XKR6: variants seen among roughly 807,000 people sequenced by gnomAD.
XKR6 encodes the protein XK related 6, also known as XK-related protein 6.
XKR6 carries 22 observed loss-of-function variants against 56.7 expected under a neutral mutation model. That is an observed-to-expected ratio of 0.39 (90% CI 0.28 to 0.55). The LOEUF (loss-of-function observed/expected upper bound fraction) is 0.55, where lower values mean the gene tolerates loss of function less well. XKR6 is among the 20% of genes least tolerant of loss of function. XKR6 has a pLI of 0.66. For synonymous variants in XKR6, 524 were observed against 387.8 expected, an observed-to-expected ratio of 1.35 and a Z score of -4.13; for missense variants, 852 against 889.0, an observed-to-expected ratio of 0.96 and a Z score of 0.53.
At chr8:11,059,889 C>T (rs1438500464) in intron 1 of XKR6, among the ~76,000 whole-genome samples, 1 of 152,194 alleles carries the variant, frequency 6.6e-6, no homozygotes, top group Non-Finnish European at 1.5e-5. Flanking sequence ...AAACAACGCT[C>T]CTGCAGTGTC....
chr8:10,938,358 C>T (rs1801289608), intron 1 of XKR6, among the ~76,000 whole-genome samples: 1 of 152,244 alleles, frequency 6.6e-6, no homozygotes, highest in Non-Finnish European at 1.5e-5. Flanking sequence ...AATCCCCCGT[C>T]TTCTGCATCG....
At chr8:11,107,142 C>T (rs1003086499) in intron 1 of XKR6, among the ~76,000 whole-genome samples, 1 of 151,574 alleles carries the variant, frequency 6.6e-6, no homozygotes, top group African/African-American at 2.4e-5. Flanking sequence ...TAGAAAGGAA[C>T]TGTACTATGA....
chr8:11,042,535 A>G (rs779358154), intron 1 of XKR6, among the ~76,000 whole-genome samples: 6 of 152,156 alleles, frequency 3.9e-5, no homozygotes, highest in Admixed American at 1.3e-4. Flanking sequence ...TTCTGCCATG[A>G]TTGTGAAGCC....
In XKR6 at chr8:10,924,927, C is replaced by T. The variant is rs560197300; in HGVS notation, c.765-97G>A. 59 of 1,318,844 alleles carry T rather than the reference C, an allele frequency of 4.5e-5. No individual in the cohort carries two copies. In the Admixed American group the frequency reaches 1.0e-3, roughly 23 times the overall value. 81.7% of individuals were successfully genotyped at this position (1,318,844 alleles called of 1,614,324 possible). On this transcript the variant is annotated intron_variant, in intron 1 of 2. Transcript: ENST00000416569. Reference sequence around the variant, plus strand: ...CCCTAAAACCAAGAGACTCAGCATCCCCCCAACTCCCTATGCTCTGAAGTT... The same window carrying T: ...CCCTAAAACCAAGAGACTCAGCATCTCCCCAACTCCCTATGCTCTGAAGTT...
Position 10,897,904 on chromosome 8 carries a change from G to A in XKR6, c.*48C>T, listed in dbSNP as rs371990504. The A allele has an allele frequency of 1.2e-4, 187 of 1,517,792 alleles. No homozygotes were observed. The highest frequency in any genetic ancestry group is 1.5e-4 in the Non-Finnish European group (166 of 1,134,178). 94.0% of individuals were successfully genotyped at this position (1,517,792 alleles called of 1,614,324 possible). Reference sequence around the variant, plus strand: ...GTTATATTTCTTGCAAGTGCTGTTTGCCGCAAACCAAACTTAAGGTCCCCT... The same window carrying A: ...GTTATATTTCTTGCAAGTGCTGTTTACCGCAAACCAAACTTAAGGTCCCCT... On this transcript the variant is annotated 3_prime_UTR_variant, in exon 3 of 3. Coordinates refer to ENST00000416569, the MANE Select transcript of XKR6 (RefSeq NM_173683.4).
chr8:11,201,138 C>G lies in XKR6; in HGVS notation c.202G>C (p.Gly68Arg). Residue 68 changes from glycine to arginine, a missense_variant, in exon 1 of 3, where the codon GGC becomes CGC. Physicochemically the swap from Gly to Arg is moderately radical, Grantham distance 125. Transcript: ENST00000416569. ...HCCNTSSCYW[G>R]CRSACLRSLL... The stretch of plus-strand genomic sequence containing the variant: ...GAGCGCAGGCAGGCGGAGCGGCAGC[C>G]CCAGTAGCACGAGGAGGTGTTGCAG... 2 of 1,518,146 alleles carry G rather than the reference C, an allele frequency of 1.3e-6. No individual in the cohort carries two copies. The highest frequency in any genetic ancestry group is 1.8e-6 in the Non-Finnish European group (2 of 1,140,118). 94.0% of individuals were successfully genotyped at this position (1,518,146 alleles called of 1,614,324 possible).
At chr8:10,965,010 C>G (rs144705394) in intron 1 of XKR6, among the ~76,000 whole-genome samples, 3 of 152,230 alleles carry the variant, frequency 2.0e-5, no homozygotes, top group African/African-American at 7.2e-5. Flanking sequence ...CATCGCCTTC[C>G]CTTTCCTCTC....
At chr8:10,984,826 G>A (rs777972936) in intron 1 of XKR6, among the ~76,000 whole-genome samples, 17 of 149,752 alleles carry the variant, frequency 1.1e-4, no homozygotes, top group African/African-American at 1.7e-4. Flanking sequence ...AGAATGGAAA[G>A]CCATCTGATG....
chr8:11,018,748 T>C (rs756465367), intron 1 of XKR6, among the ~76,000 whole-genome samples: 27 of 152,042 alleles, frequency 1.8e-4, no homozygotes, highest in Non-Finnish European at 3.4e-4. Context: ...TCCATTAAGC[T>C]CCTGCCCCAA....
At chr8:10,982,969 A>G (rs1300013719) in intron 1 of XKR6, among the ~76,000 whole-genome samples, 1 of 152,208 alleles carries the variant, frequency 6.6e-6, no homozygotes, top group African/African-American at 2.4e-5. Flanking sequence ...TAACTTCTCT[A>G]AGCCTATTTT....
intron 2 of XKR6, among the ~76,000 whole-genome samples, chr8:10,912,025 G>T (rs1332226194): frequency 6.8e-6 from 1 of 147,534 alleles, no homozygotes; most frequent in Non-Finnish European, 1.5e-5. Context: ...AGCAAGAGAG[G>T]GTGAGTATAT....
intron 1 of XKR6, among the ~76,000 whole-genome samples, chr8:11,174,453 C>G (rs1032046053): frequency 6.6e-6 from 1 of 152,202 alleles, no homozygotes; most frequent in Non-Finnish European, 1.5e-5. Flanking sequence ...AGCCGAGCAC[C>G]GCATCGACTC....
chr8:10,946,637 T>C lies in XKR6; in HGVS notation c.765-21807A>G, dbSNP rs1187493507. On this transcript the variant is annotated intron_variant, in intron 1 of 2. Coordinates refer to ENST00000416569, the MANE Select transcript of XKR6 (RefSeq NM_173683.4). ...GACATTCCTGAGCACTCTACTGCAG[T>C]GATCCAAACCCCTCTCAGTCGTATT... 2.0e-5 allele frequency among the ~76,000 whole-genome samples: 3 copies of C among 152,166 alleles called. No homozygotes were observed. The East Asian group carries it at 5.8e-4, about 30-fold the overall frequency.
chr8:10,924,835 C>G lies in XKR6; in HGVS notation c.765-5G>C, dbSNP rs1800831867. The stretch of plus-strand genomic sequence containing the variant: ...AGGTACATGGTGCGGATATACCTGC[C>G]CAGAGAGATGGGGAGAACACAGAGA... On this transcript the variant is annotated splice_polypyrimidine_tract_variant and splice_region_variant and intron_variant, in intron 1 of 2. Coordinates refer to ENST00000416569, the MANE Select transcript of XKR6 (RefSeq NM_173683.4). 6.2e-7 allele frequency: 1 copy of G among 1,610,214 alleles called. No homozygotes were observed. Among genetic ancestry groups the G allele is most frequent in the Admixed American group, 1.7e-5 (1 of 59,876 alleles).
chr8:11,189,294 A>G (rs1480139073), intron 1 of XKR6, among the ~76,000 whole-genome samples: 1 of 152,240 alleles, frequency 6.6e-6, no homozygotes, highest in Non-Finnish European at 1.5e-5. Context: ...AATGGGGATC[A>G]TCTGTGTTCA....
At chr8:11,104,156 T>C (rs1798587873) in intron 1 of XKR6, among the ~76,000 whole-genome samples, 1 of 152,192 alleles carries the variant, frequency 6.6e-6, no homozygotes, top group Non-Finnish European at 1.5e-5. Flanking sequence ...AGGGAAACAC[T>C]TAATGTAGCG....
intron 1 of XKR6, among the ~76,000 whole-genome samples, chr8:11,151,368 C>A (rs1011959210): frequency 5.3e-5 from 8 of 152,042 alleles, no homozygotes; most frequent in Non-Finnish European, 1.2e-4. Context: ...AAAATATTTA[C>A]ATTTACTTTG....
rs1045106761 is a variant in XKR6, at chr8:10,896,562, TACAC to T, written c.*1386_*1389del. On this transcript the variant is annotated 3_prime_UTR_variant, in exon 3 of 3. Coordinates refer to ENST00000416569, the MANE Select transcript of XKR6 (RefSeq NM_173683.4). ...CGTGTGCTATGGGCACACACACACA[TACAC>T]ACACAAACACACACATACTACACAC... is the stretch of plus-strand genomic sequence containing the variant. 1.3e-5 allele frequency: 2 copies of T among 152,374 alleles called. No homozygotes were observed. The highest frequency in any genetic ancestry group is 4.8e-5 in the African/African-American group (2 of 41,332). 9.4% of individuals were successfully genotyped at this position (152,374 alleles called of 1,614,324 possible). A position where few individuals can be genotyped will look rare whatever the true frequency, so the allele number is the denominator to read the frequency against.
At chr8:11,150,588 C>T (rs1801223578) in intron 1 of XKR6, among the ~76,000 whole-genome samples, 1 of 152,116 alleles carries the variant, frequency 6.6e-6, no homozygotes, top group Non-Finnish European at 1.5e-5. Context: ...CGTGGTGGCT[C>T]ATACTTATAA....
Sources: gnomAD v4.1 joint callset for allele counts (sites outside exome capture counted in the v4.1 genomes callset) on GRCh38, gnomAD v4.1.1 for gene constraint, MANE v1.5 for transcripts, NCBI Gene and HGNC (gene_info 2026-07-23, HGNC 2026-07-21) for gene names.